The following HDAC4 variants were observed in gnomAD, a reference collection of about 807,000 sequenced individuals.
The protein encoded by HDAC4 is histone deacetylase 4, also known as histone deacetylase A.
HDAC4 carries 16 observed loss-of-function variants against 135.1 expected under a neutral mutation model. That is an observed-to-expected ratio of 0.12 (90% CI 0.08 to 0.18). The LOEUF (loss-of-function observed/expected upper bound fraction) is 0.18, where lower values mean the gene tolerates loss of function less well. Among genes scored for constraint, HDAC4 ranks in the 10% least tolerant of loss-of-function variants. The probability of loss-of-function intolerance (pLI) is 1.00; values close to 1 mark genes in which losing one functional copy is unlikely to be tolerated. For synonymous variants in HDAC4, 685 were observed against 653.4 expected, an observed-to-expected ratio of 1.05 and a Z score of -0.74; for missense variants, 1,143 against 1,511.8, an observed-to-expected ratio of 0.76 and a Z score of 4.05.
intron 3 of HDAC4, among the ~76,000 whole-genome samples, chr2:239,192,109 A>C (rs575903493): frequency 3.9e-5 from 6 of 152,204 alleles, no homozygotes; most frequent in Non-Finnish European, 8.8e-5. Flanking sequence ...ATGTGAGAAG[A>C]ATCTACGCAC....
At chr2:239,056,238 G>A (rs1373451210) in intron 24 of HDAC4, among the ~76,000 whole-genome samples, 1 of 152,216 alleles carries the variant, frequency 6.6e-6, no homozygotes, top group African/African-American at 2.4e-5. Flanking sequence ...CAAACAACAC[G>A]GAAGTGAGTC....
Position 239,167,727 on chromosome 2 carries a change from CTTT to C in HDAC4, c.491-3807_491-3805del, listed in dbSNP as rs76427189. The stretch of plus-strand genomic sequence containing the variant: ...CAGATCTCCCTAATTTTTACTTTTA[CTTT>C]TTTTTTTTTTTTCTTAATTCACATT... On this transcript the variant is annotated intron_variant, in intron 5 of 26. Coordinates refer to ENST00000543185, the MANE Select transcript of HDAC4 (RefSeq NM_001378414.1). The surrounding 1 kb of genome is among the most constrained non-coding windows in gnomAD (Gnocchi z 4.1). 7.6e-5 allele frequency among the ~76,000 whole-genome samples: 11 copies of C among 144,156 alleles called. No individual in the cohort carries two copies. Among genetic ancestry groups the C allele is most frequent in the Non-Finnish European group, 1.4e-4 (9 of 65,406 alleles). 94.6% of individuals were successfully genotyped at this position (144,156 alleles called of 152,430 possible).
intron 2 of HDAC4, among the ~76,000 whole-genome samples, chr2:239,268,622 T>G (rs751447712): frequency 6.6e-5 from 10 of 152,226 alleles, no homozygotes; most frequent in Non-Finnish European, 1.5e-4. Flanking sequence ...CTAGATGGCC[T>G]GCAGGCCAAG....
chr2:239,328,938 A>C (rs1188034470), intron 2 of HDAC4, among the ~76,000 whole-genome samples: 4 of 152,238 alleles, frequency 2.6e-5, no homozygotes, highest in African/African-American at 9.6e-5. Context: ...GAAATTAATC[A>C]AGGGAGGAGG....
chr2:239,101,989 T>C (rs55650919), intron 16 of HDAC4, among the ~76,000 whole-genome samples: 10,159 of 130,764 alleles, frequency 0.078, 740 homozygotes, highest in Admixed American at 0.13. Flanking sequence ...CCCCCAGCCC[T>C]GGGTCCACGT....
intron 2 of HDAC4, among the ~76,000 whole-genome samples, chr2:239,270,908 T>C (rs2050023414): frequency 1.3e-5 from 2 of 152,120 alleles, no homozygotes; most frequent in African/African-American, 2.4e-5. Flanking sequence ...GAAAATACAG[T>C]GTCCGTTCCT....
intron 12 of HDAC4, among the ~76,000 whole-genome samples, chr2:239,123,499 G>A (rs963955339): frequency 6.6e-6 from 1 of 152,246 alleles, no homozygotes; most frequent in East Asian, 1.9e-4. Context: ...CCACCCTGGA[G>A]CAAGGCCCCA....
rs771661786 is a variant in HDAC4 at position 239,167,634 on chromosome 2, C to T, written c.491-3711G>A. ...GTTTCTGCACTTCTGGTTATGCACA[C>T]GCTCATCTGTCAACAGGTTTCTCAC... is the stretch of plus-strand genomic sequence containing the variant. On this transcript the variant is annotated intron_variant, in intron 5 of 26. Transcript: ENST00000543185. The surrounding 1 kb of genome is among the most constrained non-coding windows in gnomAD (Gnocchi z 4.1). Among the ~76,000 whole-genome samples the T allele has an allele frequency of 5.8e-4, 88 of 152,164 alleles. No homozygotes were observed. The highest frequency in any genetic ancestry group is 2.5e-3 in the Admixed American group (38 of 15,286).
At chr2:239,062,678 G>C (rs2032935168) in intron 24 of HDAC4, among the ~76,000 whole-genome samples, 1 of 152,130 alleles carries the variant, frequency 6.6e-6, no homozygotes, top group Non-Finnish European at 1.5e-5. Flanking sequence ...GAGCAAAAAG[G>C]GGGAAAAGAC....
chr2:239,169,325 G>T (rs1184997554), intron 5 of HDAC4, among the ~76,000 whole-genome samples: 3 of 152,210 alleles, frequency 2.0e-5, no homozygotes, highest in Non-Finnish European at 4.4e-5. Flanking sequence ...CAGTGCTTGG[G>T]CCCGTGGCGC....
At chr2:239,177,539 G>A (rs2043852941) in intron 4 of HDAC4, among the ~76,000 whole-genome samples, 3 of 152,200 alleles carry the variant, frequency 2.0e-5, no homozygotes, top group South Asian at 2.1e-4. Flanking sequence ...TGGAGTGTCC[G>A]ACCTGTTGAC....
rs148758723 is a variant in HDAC4, at chr2:239,115,178, G to C, written c.1666C>G (p.His556Asp). 6 of 1,611,018 alleles carry C rather than the reference G, an allele frequency of 3.7e-6. No individual in the cohort carries two copies. The highest frequency in any genetic ancestry group is 1.3e-5 in the African/African-American group (1 of 74,930). ...TTCACCTGCACGCCGGCCTGTGCGT[G>C]CGCCTCCTTCTGCCCCGGCAGCCGG... ...LDRLPGQKEAHAQAGVQVKQE... is the reference protein window; with the variant it reads ...LDRLPGQKEADAQAGVQVKQE... Residue 556 changes from histidine to aspartate, a missense_variant, in exon 13 of 27, where the codon CAC (histidine) becomes GAC (aspartate). Physicochemically the swap from His to Asp is moderately conservative, Grantham distance 81 (BLOSUM62 -1). Around this residue, in one of 9 missense-constraint regions of HDAC4, gnomAD observed 196 missense variants for 210.7 expected, o/e 0.93. Coordinates refer to ENST00000543185, the MANE Select transcript of HDAC4 (RefSeq NM_001378414.1). This position sits in a 1 kb window ranked among gnomAD's most constrained non-coding sequence, Gnocchi z 6.3.
chr2:239,118,503 G>T (rs1285419928), intron 12 of HDAC4, among the ~76,000 whole-genome samples: 1 of 152,162 alleles, frequency 6.6e-6, no homozygotes, highest in East Asian at 1.9e-4. Flanking sequence ...CGCGCGTCGG[G>T]AACAGGAACG....
intron 1 of HDAC4, among the ~76,000 whole-genome samples, chr2:239,353,373 T>C (rs1166026957): frequency 1.3e-5 from 2 of 152,214 alleles, no homozygotes; most frequent in African/African-American, 2.4e-5. Context: ...GACGGAATCA[T>C]TTCTACAAAT....
At position 239,111,546 on chromosome 2, in the gene HDAC4, G is replaced by A; in HGVS notation, c.1958C>T (p.Thr653Ile). ...TFPVSVQEPPTKPRFTTGLVY... is the reference protein window; with the variant it reads ...TFPVSVQEPPIKPRFTTGLVY... ...GTTACCTGTCGTGAACCTCGGCTTG[G>A]TGGGGGGCTCCTGCACAGACACGGG... is the stretch of plus-strand genomic sequence containing the variant. The change falls in exon 14 of 27, where the codon ACC (threonine) becomes ATC (isoleucine). Residue 653 changes from threonine (T) to isoleucine (I), a missense_variant. Physicochemically the swap from Thr to Ile is moderately conservative, Grantham distance 89 (BLOSUM62 -1). Coordinates refer to ENST00000543185, the MANE Select transcript of HDAC4 (RefSeq NM_001378414.1). 6.2e-7 allele frequency: 1 copy of A among 1,612,412 alleles called. No individual in the cohort carries two copies.
intron 3 of HDAC4, among the ~76,000 whole-genome samples, chr2:239,192,040 G>C (rs181254841): frequency 1.2e-3 from 190 of 152,338 alleles, no homozygotes; most frequent in African/African-American, 4.4e-3. Flanking sequence ...TAAAATGCAT[G>C]TATTTAGTTT....
chr2:239,173,308 T>A (rs145984109), intron 5 of HDAC4, among the ~76,000 whole-genome samples: 2 of 152,302 alleles, frequency 1.3e-5, no homozygotes, highest in African/African-American at 4.8e-5. Context: ...TATATTACAA[T>A]CAAGTTGACT....
chr2:239,235,069 T>C (rs2047805818), intron 3 of HDAC4, among the ~76,000 whole-genome samples: 1 of 152,298 alleles, frequency 6.6e-6, no homozygotes, highest in South Asian at 2.1e-4. Context: ...CATCTTCATC[T>C]GGTACTTAAA....
intron 22 of HDAC4, among the ~76,000 whole-genome samples, chr2:239,076,376 A>G (rs2034765989): frequency 6.6e-6 from 1 of 152,236 alleles, no homozygotes; most frequent in South Asian, 2.1e-4. Flanking sequence ...AAACCACCAC[A>G]TACCATCAAA....
Sources: gnomAD v4.1 joint callset for allele counts (sites outside exome capture counted in the v4.1 genomes callset) on GRCh38, gnomAD v4.1.1 for gene constraint, gnomAD v4.1.1 regional missense constraint, Gnocchi (gnomAD v3.1) non-coding constraint, MANE v1.5 for transcripts, NCBI Gene and HGNC (gene_info 2026-07-23, HGNC 2026-07-21) for gene names.